FAM135B: variants seen among roughly 807,000 people sequenced by gnomAD.
FAM135B encodes the protein family with sequence similarity 135 member B.
In FAM135B, 43 loss-of-function variants were observed where a neutral mutation model predicts 127.7. The ratio of observed to expected loss-of-function variants is 0.34; its 90% CI spans 0.26 to 0.43. The LOEUF (loss-of-function observed/expected upper bound fraction) is 0.43, where lower values mean the gene tolerates loss of function less well. Among genes scored for constraint, FAM135B ranks in the 20% least tolerant of loss-of-function variants. The pLI is 1.00. For synonymous variants in FAM135B, 670 were observed against 665.1 expected, an observed-to-expected ratio of 1.01 and a Z score of -0.11; for missense variants, 1,558 against 1,725.6, an observed-to-expected ratio of 0.90 and a Z score of 1.72.
rs141747790 is a variant in FAM135B at position 138,306,836 on chromosome 8, G to A, written c.157+4005C>T. ...TGACCTCAGGTGATCTGCCTGCCTCGGCCTCCCAAAGTGCTGGGATTACAG... is the reference window on the plus strand; with the variant it reads ...TGACCTCAGGTGATCTGCCTGCCTCAGCCTCCCAAAGTGCTGGGATTACAG... On this transcript the variant is annotated intron_variant, in intron 3 of 19. Coordinates refer to ENST00000395297, the MANE Select transcript of FAM135B (RefSeq NM_015912.4). 9.0e-3 allele frequency among the ~76,000 whole-genome samples: 1,375 copies of A among 152,012 alleles called. 44 individuals are homozygous for A. The highest frequency in any genetic ancestry group is 0.055 in the Admixed American group (839 of 15,274).
At position 138,250,823 on chromosome 8, in the gene FAM135B, T is replaced by G. The variant is rs1018627806; in HGVS notation, c.542+18A>C. On this transcript the variant is annotated intron_variant, in intron 6 of 19. Coordinates refer to ENST00000395297, the MANE Select transcript of FAM135B (RefSeq NM_015912.4). ...GAAGGTGGCTCCCACATATCAGGGC[T>G]GCCTCTGAACTTCATACCTGATCAA... is the stretch of plus-strand genomic sequence containing the variant. The G allele has an allele frequency of 1.2e-6, 2 of 1,612,446 alleles. No individual in the cohort carries two copies. The highest frequency in any genetic ancestry group is 2.7e-5 in the African/African-American group (2 of 74,882).
intron 1 of FAM135B, among the ~76,000 whole-genome samples, chr8:138,396,997 A>G (rs1490747444): frequency 6.6e-6 from 1 of 152,226 alleles, no homozygotes; most frequent in Middle Eastern, 3.2e-3. Flanking sequence ...TTCCTTGACT[A>G]ATTTGTCCAA....
At chr8:138,452,389 G>C (rs1339906671) in intron 1 of FAM135B, among the ~76,000 whole-genome samples, 1 of 151,968 alleles carries the variant, frequency 6.6e-6, no homozygotes, top group East Asian at 1.9e-4. Flanking sequence ...CCAAAGTGCT[G>C]GGATTACAGG....
At chr8:138,495,939 C>T (rs1462348896) in intron 1 of FAM135B, among the ~76,000 whole-genome samples, 1 of 151,976 alleles carries the variant, frequency 6.6e-6, no homozygotes. Context: ...TCACTATGAG[C>T]GATGTGATTC....
chr8:138,301,922 CAG>C (rs1655702090), intron 3 of FAM135B, among the ~76,000 whole-genome samples: 1 of 152,120 alleles, frequency 6.6e-6, no homozygotes, highest in African/African-American at 2.4e-5. Context: ...TCTCAGGGTT[CAG>C]AGAGAGCTCT....
intron 12 of FAM135B, among the ~76,000 whole-genome samples, chr8:138,158,447 A>AAATGGAATCT (rs1818998117): frequency 6.6e-6 from 1 of 151,648 alleles, no homozygotes; most frequent in Non-Finnish European, 1.5e-5. Flanking sequence ...CAAAATTGAC[A>AAATGGAATCT]AATTAAACTA....
At chr8:138,188,665 G>T (rs1233031483) in intron 9 of FAM135B, among the ~76,000 whole-genome samples, 2 of 152,170 alleles carry the variant, frequency 1.3e-5, no homozygotes, top group East Asian at 3.9e-4. Flanking sequence ...TCTCCACAGA[G>T]CCTCAGTCAT....
At chr8:138,363,065 T>C (rs1457821644) in intron 2 of FAM135B, among the ~76,000 whole-genome samples, 1 of 152,114 alleles carries the variant, frequency 6.6e-6, no homozygotes, top group South Asian at 2.1e-4. Context: ...TTGTATAGCA[T>C]AGAATTTTCA....
intron 2 of FAM135B, among the ~76,000 whole-genome samples, chr8:138,365,508 T>C (rs1438205124): frequency 6.6e-6 from 1 of 152,204 alleles, no homozygotes; most frequent in Non-Finnish European, 1.5e-5. Flanking sequence ...TATCAAATAG[T>C]TTTTAAAATA....
chr8:138,470,917 G>C (rs1218199695), intron 1 of FAM135B, among the ~76,000 whole-genome samples: 1 of 152,206 alleles, frequency 6.6e-6, no homozygotes, highest in Admixed American at 6.5e-5. Context: ...GAAAGTTCTA[G>C]CATTTTCTCT....
chr8:138,172,270 C>T (rs1207180695), intron 11 of FAM135B, among the ~76,000 whole-genome samples: 1 of 152,180 alleles, frequency 6.6e-6, no homozygotes, highest in African/African-American at 2.4e-5. Flanking sequence ...CCCTGCCATC[C>T]CTGTAACTCC....
intron 2 of FAM135B, among the ~76,000 whole-genome samples, chr8:138,328,263 T>A (rs1231824737): frequency 6.6e-6 from 1 of 152,186 alleles, no homozygotes; most frequent in Non-Finnish European, 1.5e-5. Flanking sequence ...TCTAAATGAA[T>A]GCTGATGAAG....
rs149060536 is a variant in FAM135B, at chr8:138,151,634, G to A, written c.2841C>T (p.Asn947=). 249 of 1,614,166 alleles carry A rather than the reference G, an allele frequency of 1.5e-4. 2 individuals are homozygous for A. The East Asian group carries it at 5.1e-3, about 33-fold the overall frequency. Residue 947 remains asparagine, a synonymous_variant, in exon 13 of 20, where the codon AAC becomes AAT. Coordinates refer to ENST00000395297, the MANE Select transcript of FAM135B (RefSeq NM_015912.4). The part of the protein sequence containing the change: ...LSCTSAADAI[N]RNSTGQQSQS... ...GGCTTTGCTGGCCTGTTGAGTTCCT[G>A]TTGATGGCATCAGCAGCTGACGTAC...
chr8:138,167,845 C>A (rs759892027), intron 12 of FAM135B, 50 bp downstream of exon 12: 7 of 1,537,638 alleles, frequency 4.6e-6, no homozygotes, highest in Non-Finnish European at 6.2e-6. Flanking sequence ...TTGTCAGAAT[C>A]CCACTGGAAA....
At chr8:138,463,216 A>G (rs1442534251) in intron 1 of FAM135B, among the ~76,000 whole-genome samples, 2 of 152,178 alleles carry the variant, frequency 1.3e-5, no homozygotes, top group Non-Finnish European at 2.9e-5. Flanking sequence ...TAGAAAAGAG[A>G]TGGTAAGTAT....
At chr8:138,351,123 A>G (rs1829752889) in intron 2 of FAM135B, among the ~76,000 whole-genome samples, 1 of 152,110 alleles carries the variant, frequency 6.6e-6, no homozygotes, top group Non-Finnish European at 1.5e-5. Context: ...ATGCTTTTCC[A>G]AATTGTGTTC....
chr8:138,404,549 C>T (rs1425824094), intron 1 of FAM135B, among the ~76,000 whole-genome samples: 1 of 152,158 alleles, frequency 6.6e-6, no homozygotes, highest in Non-Finnish European at 1.5e-5. Flanking sequence ...ACATTTTACC[C>T]AAAGTAGAAC....
At chr8:138,218,801 AGAGGGAGAGAAAGAG>A (rs1818790115) in intron 7 of FAM135B, among the ~76,000 whole-genome samples, 4 of 21,042 alleles carry the variant, frequency 1.9e-4, no homozygotes, top group African/African-American at 1.2e-4. Flanking sequence ...AGAGAGAGAG[AGAGGGAGAGAAAGAG>A]AGAGAGAGAG....
At chr8:138,274,195 C>T (rs369301114) in intron 3 of FAM135B, among the ~76,000 whole-genome samples, 10 of 152,172 alleles carry the variant, frequency 6.6e-5, no homozygotes, top group Non-Finnish European at 1.2e-4. Context: ...CCGATATTCA[C>T]GTAGGTTCTT....
Sources: gnomAD v4.1 joint callset for allele counts (sites outside exome capture counted in the v4.1 genomes callset) on GRCh38, gnomAD v4.1.1 for gene constraint, MANE v1.5 for transcripts, NCBI Gene and HGNC (gene_info 2026-07-23, HGNC 2026-07-21) for gene names.